ZNF721: variants seen among roughly 807,000 people sequenced by gnomAD.
ZNF721 encodes zinc finger protein 721.
A neutral mutation model predicts 2.4 loss-of-function variants in ZNF721; 2 were observed. The observed-to-expected ratio is 0.82, with a 90% CI of 0.34 to 2.58. ZNF721 has a LOEUF of 2.58. ZNF721 is among the 30% of genes most tolerant of loss of function. The pLI is 0.11. For synonymous variants in ZNF721, 398 were observed against 381.8 expected, an observed-to-expected ratio of 1.04 and a Z score of -0.50; for missense variants, 1,187 against 1,085.5, an observed-to-expected ratio of 1.09 and a Z score of -1.31.
At chr4:446,483 C>G (rs1040963850) in intron 2 of ZNF721, among the ~76,000 whole-genome samples, 8 of 150,784 alleles carry the variant, frequency 5.3e-5, no homozygotes, top group Admixed American at 1.3e-4. Flanking sequence ...CCAGTTCAAG[C>G]AATTCTTCTG....
chr4:478,316 A>G (rs1196066766), intron 1 of ZNF721, among the ~76,000 whole-genome samples: 3 of 152,118 alleles, frequency 2.0e-5, no homozygotes, highest in African/African-American at 4.8e-5. Context: ...ATTTCACATA[A>G]ATGAAAGTAT....
intron 2 of ZNF721, among the ~76,000 whole-genome samples, chr4:449,854 C>T (rs972046050): frequency 6.6e-6 from 1 of 152,042 alleles, no homozygotes; most frequent in Admixed American, 6.5e-5. Flanking sequence ...CCACAAGATA[C>T]CACTTCACTC....
At chr4:457,773 A>G (rs61793721) in intron 2 of ZNF721, among the ~76,000 whole-genome samples, 26,837 of 152,080 alleles carry the variant, frequency 0.18, 2,978 homozygotes, top group Non-Finnish European at 0.23. Flanking sequence ...AGTCCGGAAG[A>G]ATTTTTTCCT....
chr4:471,376 A>T (rs1276268217), intron 2 of ZNF721, among the ~76,000 whole-genome samples: 4 of 152,214 alleles, frequency 2.6e-5, no homozygotes, highest in Non-Finnish European at 4.4e-5. Flanking sequence ...ATTCAGCCAT[A>T]AGAGAAAAGA....
intron 2 of ZNF721, among the ~76,000 whole-genome samples, chr4:444,979 C>CTTTTTT (rs569762644): frequency 1.8e-5 from 2 of 108,732 alleles, no homozygotes; most frequent in African/African-American, 4.0e-5. Flanking sequence ...TGATGAGAGA[C>CTTTTTT]TTTTTTTTTT....
At chr4:456,348 G>T (rs1488207125) in intron 2 of ZNF721, among the ~76,000 whole-genome samples, 1 of 152,122 alleles carries the variant, frequency 6.6e-6, no homozygotes, top group Non-Finnish European at 1.5e-5. Flanking sequence ...GGGATTACAG[G>T]CGTGAGCCAC....
intron 1 of ZNF721, chr4:474,316 G>A: frequency 3.4e-6 from 1 of 292,318 alleles, no homozygotes. Context: ...AAGAGTGACA[G>A]ACTAGTACCT....
chr4:493,011 T>G (rs1405965636), intron 1 of ZNF721, among the ~76,000 whole-genome samples: 1 of 152,000 alleles, frequency 6.6e-6, no homozygotes, highest in Non-Finnish European at 1.5e-5. Flanking sequence ...TATCTATTAT[T>G]TAATATAGCT....
chr4:458,405 T>C (rs914835371), intron 2 of ZNF721, among the ~76,000 whole-genome samples: 7 of 152,120 alleles, frequency 4.6e-5, no homozygotes, highest in Admixed American at 3.9e-4. Flanking sequence ...GATATTTACC[T>C]CCCCAAACTA....
Position 487,854 on chromosome 4 carries a change from G to GA in ZNF721, c.-94+11201dup, listed in dbSNP as rs201838600. Among the ~76,000 whole-genome samples, 1,432 of 152,016 alleles carry GA rather than the reference G, an allele frequency of 9.4e-3. 29 individuals carry two copies. The highest frequency in any genetic ancestry group is 0.033 in the African/African-American group (1,361 of 41,432). The stretch of plus-strand genomic sequence containing the variant: ...GAACTTCCTACAACTAAACCAAAAG[G>GA]AAAAACCTCATCTACACCCGAGTAG... On this transcript the variant is annotated intron_variant, in intron 1 of 2. Coordinates refer to ENST00000511833, the MANE Select transcript of ZNF721 (RefSeq NM_133474.4).
intron 2 of ZNF721, among the ~76,000 whole-genome samples, chr4:448,780 A>C (rs112779829): frequency 1.3e-5 from 2 of 152,358 alleles, no homozygotes; most frequent in African/African-American, 2.4e-5. Context: ...ATACAAACTC[A>C]CACACGGTCA....
At chr4:463,332 G>A (rs1381694403) in intron 2 of ZNF721, among the ~76,000 whole-genome samples, 2 of 152,210 alleles carry the variant, frequency 1.3e-5, no homozygotes, top group African/African-American at 2.4e-5. Context: ...TTCAATCATT[G>A]TGGAAGACAG....
intron 2 of ZNF721, among the ~76,000 whole-genome samples, chr4:470,178 G>A (rs1286326044): frequency 2.6e-5 from 4 of 152,092 alleles, no homozygotes; most frequent in African/African-American, 9.7e-5. Flanking sequence ...CACTGTGCCT[G>A]GCAAAAGTAG....
intron 2 of ZNF721, among the ~76,000 whole-genome samples, chr4:471,688 TTAA>T (rs1358856962): frequency 2.0e-5 from 3 of 152,144 alleles, no homozygotes; most frequent in Non-Finnish European, 4.4e-5. Flanking sequence ...CCATTTATAA[TTAA>T]TAATACTGTA....
rs1040011410 is a variant in ZNF721 at position 442,389 on chromosome 4, C to G, written c.2078G>C (p.Gly693Ala). Residue 693 changes from glycine to alanine, a missense_variant, in exon 3 of 3, where the codon GGA becomes GCA. Transcript: ENST00000511833. ...ALNQHKKIHT[G>A]EKPYKCEECG... ...CTCTTCACATTTGTAAGGTTTTTCT[C>G]CAGTATGAATTTTCTTGTGTTGATT... 8 of 1,613,830 alleles carry G rather than the reference C, an allele frequency of 5.0e-6. No individual in the cohort carries two copies. The highest frequency in any genetic ancestry group is 2.2e-5 in the East Asian group (1 of 44,884).
At chr4:465,212 G>A (rs1468754965) in intron 2 of ZNF721, among the ~76,000 whole-genome samples, 2 of 151,906 alleles carry the variant, frequency 1.3e-5, no homozygotes, top group East Asian at 1.9e-4. Context: ...GCAAAACCCT[G>A]TCTCTACAAA....
At chr4:476,459 C>A (rs978927128) in intron 1 of ZNF721, among the ~76,000 whole-genome samples, 4 of 152,226 alleles carry the variant, frequency 2.6e-5, no homozygotes, top group Non-Finnish European at 5.9e-5. Context: ...TGCCTCCCTG[C>A]AAACTGGACC....
intron 1 of ZNF721, among the ~76,000 whole-genome samples, chr4:478,830 C>G (rs557770293): frequency 6.7e-6 from 1 of 149,320 alleles, no homozygotes; most frequent in East Asian, 2.0e-4. Flanking sequence ...AGTGCAGTGG[C>G]ACGATCTCAG....
At chr4:496,782 G>A (rs979665726) in intron 1 of ZNF721, among the ~76,000 whole-genome samples, 4 of 137,354 alleles carry the variant, frequency 2.9e-5, no homozygotes, top group East Asian at 4.3e-4. Context: ...GCGCGATCTC[G>A]GCTCACTGCA....
Sources: allele counts gnomAD v4.1 joint callset (sites outside exome capture counted in the v4.1 genomes callset), GRCh38; gene constraint gnomAD v4.1.1; transcripts MANE v1.5; gene names NCBI Gene and HGNC (gene_info 2026-07-23, HGNC 2026-07-21).